Variants in NOL4 observed in about 807,000 individuals in gnomAD.
NOL4 encodes the protein cancer/testis antigen 125.
NOL4 carries 17 observed loss-of-function variants against 75.9 expected under a neutral mutation model. The ratio of observed to expected loss-of-function variants is 0.22; its 90% CI spans 0.15 to 0.34. The LOEUF (loss-of-function observed/expected upper bound fraction) is 0.34. Ranked by LOEUF, NOL4 falls within the 10% of genes least tolerant of loss-of-function variation. The pLI is 1.00. For synonymous variants in NOL4, 292 were observed against 289.9 expected (o/e 1.01, Z -0.07); for missense variants, 614 against 793.5 (o/e 0.77, Z 2.72).
chr18:34,205,908 T>TC (rs1170492513), intron 1 of NOL4, among the ~76,000 whole-genome samples: 1 of 152,184 alleles, frequency 6.6e-6, no homozygotes, highest in Admixed American at 6.6e-5. Context: ...CATTTATTCT[T>TC]CTTTTTCTCA....
At chr18:34,090,329 A>T (rs2078451489) in intron 5 of NOL4, among the ~76,000 whole-genome samples, 1 of 152,200 alleles carries the variant, frequency 6.6e-6, no homozygotes, top group African/African-American at 2.4e-5. Flanking sequence ...TCATTAATTA[A>T]TATGGTATTT....
intron 9 of NOL4, among the ~76,000 whole-genome samples, chr18:33,928,449 T>A (rs879687836): frequency 5.3e-5 from 8 of 151,840 alleles, no homozygotes; most frequent in Non-Finnish European, 1.0e-4. Flanking sequence ...AAGAAAAACA[T>A]CAGAAATTGT....
chr18:34,105,561 C>A (rs993502122), intron 2 of NOL4, among the ~76,000 whole-genome samples: 1 of 151,976 alleles, frequency 6.6e-6, no homozygotes, highest in South Asian at 2.1e-4. Flanking sequence ...TGTAATTTAG[C>A]CCCAAGTAGG....
chr18:34,096,499 A>G (rs561417431), intron 4 of NOL4, among the ~76,000 whole-genome samples: 4 of 152,256 alleles, frequency 2.6e-5, no homozygotes, highest in Non-Finnish European at 5.9e-5. Flanking sequence ...AATACTAATT[A>G]CACTAGGAAG....
At position 34,071,448 on chromosome 18, in the gene NOL4, C is replaced by CACACACAT. The variant is rs1249841081; in HGVS notation, c.772+22016_772+22017insATGTGTGT. Among the ~76,000 whole-genome samples, 9 of 151,752 alleles carry CACACACAT rather than the reference C, an allele frequency of 5.9e-5. No individual in the cohort carries two copies. In the East Asian group the frequency reaches 1.6e-3, roughly 26 times the overall value. ...ACAGACAGACAGACAGACACACACA[C>CACACACAT]ACACACACACACACACACACAGATG... On this transcript the variant is annotated intron_variant, in intron 5 of 10. Transcript: ENST00000261592.
In NOL4 at chr18:33,886,915, T is replaced by C. The variant is rs370854697; in HGVS notation, c.1543-3491A>G. ...GATATATTATATCTAGATATATCTA[T>C]ATACATATATATCTATATATCTATA... is the stretch of plus-strand genomic sequence containing the variant. On this transcript the variant is annotated intron_variant, in intron 9 of 10. Coordinates refer to ENST00000261592, the MANE Select transcript of NOL4 (RefSeq NM_003787.5). 5.1e-3 allele frequency among the ~76,000 whole-genome samples: 648 copies of C among 127,344 alleles called. 9 individuals are homozygous for C. Among genetic ancestry groups the C allele is most frequent in the Non-Finnish European group, 6.4e-3 (368 of 57,942 alleles). The allele number at this position is 127,344 out of a possible 152,430, so 83.5% of individuals were successfully genotyped here.
chr18:34,201,093 G>C (rs972744863), intron 1 of NOL4, among the ~76,000 whole-genome samples: 1 of 151,562 alleles, frequency 6.6e-6, no homozygotes, highest in Non-Finnish European at 1.5e-5. Context: ...AAGAAGAGAA[G>C]GCAGCAGAAA....
At chr18:34,162,735 A>AT (rs2031702657) in intron 1 of NOL4, among the ~76,000 whole-genome samples, 1 of 152,212 alleles carries the variant, frequency 6.6e-6, no homozygotes, top group Non-Finnish European at 1.5e-5. Flanking sequence ...TCCCTAACTC[A>AT]TTTTATGAGG....
chr18:34,096,198 G>A (rs1476661780), intron 4 of NOL4, among the ~76,000 whole-genome samples: 1 of 151,610 alleles, frequency 6.6e-6, no homozygotes, highest in East Asian at 1.9e-4. Context: ...ATGTATTTTT[G>A]TAATTAAAAA....
chr18:33,944,862 G>A (rs1013143972), intron 8 of NOL4, among the ~76,000 whole-genome samples: 2 of 151,732 alleles, frequency 1.3e-5, no homozygotes, highest in African/African-American at 4.8e-5. Context: ...AGAAAATATT[G>A]TAGTCCAAAG....
At chr18:34,221,900 G>A (rs552686098) in intron 1 of NOL4, 1 of 763,166 alleles carries the variant, frequency 1.3e-6, no homozygotes, top group East Asian at 2.9e-5. Context: ...ACTGCACCGG[G>A]AAACAGTTGC....
chr18:34,162,181 G>C (rs1320607956), intron 1 of NOL4, among the ~76,000 whole-genome samples: 2 of 152,014 alleles, frequency 1.3e-5, no homozygotes, highest in Non-Finnish European at 2.9e-5. Context: ...AAAAGAACTA[G>C]AAAAGCAAGA....
At chr18:34,188,749 G>A (rs947480719) in intron 1 of NOL4, among the ~76,000 whole-genome samples, 9 of 152,128 alleles carry the variant, frequency 5.9e-5, no homozygotes, top group Non-Finnish European at 1.3e-4. Context: ...TACTGAAAGT[G>A]TATCATTTTC....
chr18:33,974,851 A>G (rs1382374837), intron 6 of NOL4, among the ~76,000 whole-genome samples: 1 of 152,196 alleles, frequency 6.6e-6, no homozygotes, highest in Non-Finnish European at 1.5e-5. Context: ...CAGGATCTCA[A>G]AAGATATTTG....
intron 1 of NOL4, among the ~76,000 whole-genome samples, chr18:34,169,435 G>GA (rs946898407): frequency 7.6e-6 from 1 of 132,028 alleles, no homozygotes; most frequent in African/African-American, 2.8e-5. Context: ...AAAAGAAGGT[G>GA]AAAAAAACAA....
chr18:33,969,603 T>C (rs2070879054), intron 6 of NOL4, among the ~76,000 whole-genome samples: 1 of 152,176 alleles, frequency 6.6e-6, no homozygotes, highest in Non-Finnish European at 1.5e-5. Flanking sequence ...TCTGCAATTA[T>C]TCATTTGTAT....
At chr18:33,856,348 T>C (rs1192500796) in intron 10 of NOL4, among the ~76,000 whole-genome samples, 1 of 152,088 alleles carries the variant, frequency 6.6e-6, no homozygotes, top group African/African-American at 2.4e-5. Flanking sequence ...CTCTAATATA[T>C]GGAAATATTA....
At chr18:34,189,007 T>G (rs1176558931) in intron 1 of NOL4, among the ~76,000 whole-genome samples, 1 of 152,154 alleles carries the variant, frequency 6.6e-6, no homozygotes, top group Non-Finnish European at 1.5e-5. Flanking sequence ...CCAAGAACCT[T>G]GAATAATGGC....
intron 9 of NOL4, among the ~76,000 whole-genome samples, chr18:33,938,145 G>A (rs935369716): frequency 4.6e-5 from 7 of 152,070 alleles, no homozygotes; most frequent in South Asian, 2.1e-4. Flanking sequence ...TGGCTTTCTC[G>A]TGCAGCTGGT....
Sources: allele counts gnomAD v4.1 joint callset (sites outside exome capture counted in the v4.1 genomes callset), GRCh38; gene constraint gnomAD v4.1.1; transcripts MANE v1.5; gene names NCBI Gene and HGNC (gene_info 2026-07-23, HGNC 2026-07-21).